Variants in FGR observed in about 807,000 individuals in gnomAD.
FGR encodes the protein tyrosine-protein kinase Fgr.
In FGR, 26 loss-of-function variants were observed where a neutral mutation model predicts 63.2. That is an observed-to-expected ratio of 0.41 (90% confidence interval 0.30 to 0.57). FGR has a LOEUF of 0.57. FGR is among the 20% of genes least tolerant of loss of function. The pLI is 0.27. For synonymous variants in FGR, 286 were observed against 277.7 expected (o/e 1.03, Z -0.30); for missense variants, 511 against 690.8 (o/e 0.74, Z 2.92).
At chr1:27,628,186 CAA>C (rs1368295767) in intron 1 of FGR, among the ~76,000 whole-genome samples, 1 of 141,892 alleles carries the variant, frequency 7.0e-6, no homozygotes, top group African/African-American at 2.6e-5. Context: ...AAAAAAAAAA[CAA>C]AAAAAAACCA....
chr1:27,616,924 C>T lies in FGR; in HGVS notation c.615G>A (p.Met205Ile), dbSNP rs773286331. 9 of 1,614,216 alleles carry T rather than the reference C, an allele frequency of 5.6e-6. No individual in the cohort carries two copies. The South Asian group carries it at 8.8e-5, about 16-fold the overall frequency. Reference sequence around the variant, plus strand: ...CCCGTGTGGTGATGTAGTAGCCGCCCATGTCCAGTTTGCGGATCTTGTAAT... The same window carrying T: ...CCCGTGTGGTGATGTAGTAGCCGCCTATGTCCAGTTTGCGGATCTTGTAAT... Reference protein sequence around the residue: ...VKHYKIRKLDMGGYYITTRVQ... With the variant: ...VKHYKIRKLDIGGYYITTRVQ... Residue 205 changes from methionine (M) to isoleucine (I), a missense_variant, in exon 7 of 13, where the codon ATG becomes ATA. Physicochemically the swap from Met to Ile is conservative, Grantham distance 10. Transcript: ENST00000374005. The surrounding 1 kb of genome is among the most constrained non-coding windows in gnomAD (Gnocchi z 4.3).
Position 27,617,399 on chromosome 1 carries a change from T to G in FGR, c.429-103A>C. On this transcript the variant is annotated intron_variant, in intron 5 of 12. Coordinates refer to ENST00000374005, the MANE Select transcript of FGR (RefSeq NM_005248.3). The surrounding 1 kb of genome is among the most constrained non-coding windows in gnomAD (Gnocchi z 4.5). ...GCCAAGACTCCATTTTCCCCATGTG[T>G]AAAATGGGGCTGGTACACCTGCTTC... is the stretch of plus-strand genomic sequence containing the variant. The G allele has an allele frequency of 1.3e-6, 1 of 790,772 alleles. No homozygotes were observed. Among genetic ancestry groups the G allele is most frequent in the Non-Finnish European group, 2.2e-6 (1 of 461,840 alleles). The allele number at this position is 790,772 out of a possible 1,614,324, so 49.0% of individuals were successfully genotyped here.
At position 27,614,880 on chromosome 1, in the gene FGR, C is replaced by A; in HGVS notation, c.1065G>T (p.Arg355Ser). ...FLKNPEGQDL[R>S]LPQLVDMAAQ... Reference sequence around the variant, plus strand: ...CTGCCATGTCCACCAATTGGGGCAGCCTCAAATCCTGGCCCTCTGGGTTCT... The same window carrying A: ...CTGCCATGTCCACCAATTGGGGCAGACTCAAATCCTGGCCCTCTGGGTTCT... The change falls in exon 10 of 13, where the codon AGG (arginine) becomes AGT (serine). Residue 355 changes from arginine (R) to serine (S), a missense_variant. Arg to Ser is a moderately radical substitution (Grantham distance 110). Coordinates refer to ENST00000374005, the MANE Select transcript of FGR (RefSeq NM_005248.3). 1 of 1,598,062 alleles carries A rather than the reference C, an allele frequency of 6.3e-7. No individual in the cohort carries two copies. The highest frequency in any genetic ancestry group is 8.5e-7 in the Non-Finnish European group (1 of 1,171,116).
rs1357407838 is a variant in FGR, at chr1:27,621,627, G to C, written c.360C>G (p.Leu120=). 2 of 1,613,794 alleles carry C rather than the reference G, an allele frequency of 1.2e-6. No individual in the cohort carries two copies. Among genetic ancestry groups the C allele is most frequent in the South Asian group, 1.1e-5 (1 of 91,076 alleles). Reference sequence around the variant, plus strand: ...GAATGCAGCCAGTTTTTCCGGAGCTGAGAGACCGAGCCTCCCACCAGTCAC... The same window carrying C: ...GAATGCAGCCAGTTTTTCCGGAGCTCAGAGACCGAGCCTCCCACCAGTCAC... ...TEGDWWEARS[L]SSGKTGCIPS... is the part of the protein sequence containing the mutation. Residue 120 remains leucine, a synonymous_variant, in exon 5 of 13, where the codon CTC becomes CTG. Transcript: ENST00000374005.
At position 27,616,919 on chromosome 1, in the gene FGR, C is replaced by T; in HGVS notation, c.620G>A (p.Gly207Asp). The T allele has an allele frequency of 1.9e-6, 3 of 1,614,226 alleles. No homozygotes were observed. The highest frequency in any genetic ancestry group is 1.7e-6 in the Non-Finnish European group (2 of 1,180,038). ...CTGAACCCGTGTGGTGATGTAGTAG[C>T]CGCCCATGTCCAGTTTGCGGATCTT... ...HYKIRKLDMG[G>D]YYITTRVQFN... The change falls in exon 7 of 13, where the codon GGC becomes GAC. Residue 207 changes from glycine (G) to aspartate (D), a missense_variant. By Grantham distance (94) the Gly-to-Asp change is moderately conservative (BLOSUM62 -1). Transcript: ENST00000374005. This position sits in a 1 kb window ranked among gnomAD's most constrained non-coding sequence, Gnocchi z 4.3.
In FGR at chr1:27,615,718, C is replaced by T; in HGVS notation, c.809G>A (p.Gly270Asp). The T allele has an allele frequency of 6.2e-7, 1 of 1,606,640 alleles. No individual in the cohort carries two copies. Among genetic ancestry groups the T allele is most frequent in the African/African-American group, 1.3e-5 (1 of 74,812 alleles). Reference protein sequence around the residue: ...RSSITLERRLGTGCFGDVWLG... With the variant: ...RSSITLERRLDTGCFGDVWLG... ...CCACACATCCCCGAAGCAGCCGGTG[C>T]CCAGCCGGCGCTCCAGCGTGATGGA... Residue 270 changes from glycine (G) to aspartate (D), a missense_variant, in exon 8 of 13, where the codon GGC becomes GAC. Physicochemically the swap from Gly to Asp is moderately conservative, Grantham distance 94. Transcript: ENST00000374005. The surrounding 1 kb of genome is among the most constrained non-coding windows in gnomAD (Gnocchi z 7.6).
intron 11 of FGR, among the ~76,000 whole-genome samples, chr1:27,613,694 CAAAAAAAAAAA>C (rs56363244): frequency 2.7e-5 from 2 of 74,244 alleles, no homozygotes; most frequent in African/African-American, 5.8e-5. Flanking sequence ...GACTCCATCT[CAAAAAAAAAAA>C]AAAAAAAAAA....
At chr1:27,627,469 C>G (rs2090040400) in intron 1 of FGR, among the ~76,000 whole-genome samples, 1 of 152,076 alleles carries the variant, frequency 6.6e-6, no homozygotes, top group African/African-American at 2.4e-5. Flanking sequence ...CACACACACA[C>G]ACACACACAT....
In FGR at chr1:27,617,328, G is replaced by A. The variant is rs772281882; in HGVS notation, c.429-32C>T. The stretch of plus-strand genomic sequence containing the variant: ...GGAAAGGCAGGCAAGAGTCAGGTAC[G>A]CTCTGCTCAAACCTCACCTCAGCCT... On this transcript the variant is annotated intron_variant, in intron 5 of 12. Transcript: ENST00000374005. This position sits in a 1 kb window ranked among gnomAD's most constrained non-coding sequence, Gnocchi z 4.5. The A allele has an allele frequency of 5.2e-6, 8 of 1,532,906 alleles. No individual in the cohort carries two copies. The highest frequency in any genetic ancestry group is 2.2e-5 in the South Asian group (2 of 89,464). 95.0% of individuals were successfully genotyped at this position (1,532,906 alleles called of 1,614,324 possible).
chr1:27,613,077 TG>T lies in FGR; in HGVS notation c.1426del (p.His476ThrfsTer99). 1 of 1,614,150 alleles carries T rather than the reference TG, an allele frequency of 6.2e-7. No homozygotes were observed. The highest frequency in any genetic ancestry group is 8.5e-7 in the Non-Finnish European group (1 of 1,180,014). ...TGGGCAGCCTGGAGGGCACGGCATG[TG>T]GTAGCCCTGCTCCACCTGTTCCAAC... is the stretch of plus-strand genomic sequence containing the variant. ...EVLEQVEQGY[H>X]MPCPPGCPAS... On this transcript the variant is annotated frameshift_variant, in exon 13 of 13. Coordinates refer to ENST00000374005, the MANE Select transcript of FGR (RefSeq NM_005248.3). LOFTEE classifies it high-confidence loss of function.
rs1459554976 is a variant in FGR at position 27,623,063 on chromosome 1, T to A, written c.308A>T (p.Lys103Met). ...TTACGTATTGTTCAGGATGTGGAAC[T>A]TCTCGCCCTTGGTGAAGGTGAGGTC... ...EDDLTFTKGE[K>M]FHILNNTEGD... The change falls in exon 4 of 13, where the codon AAG becomes ATG. Residue 103 changes from lysine (K) to methionine (M), a missense_variant. Coordinates refer to ENST00000374005, the MANE Select transcript of FGR (RefSeq NM_005248.3). The A allele has an allele frequency of 6.2e-7, 1 of 1,614,050 alleles. No homozygotes were observed. The highest frequency in any genetic ancestry group is 1.1e-5 in the South Asian group (1 of 91,076).
At chr1:27,632,282 G>A (rs757996646) in intron 1 of FGR, among the ~76,000 whole-genome samples, 2 of 151,858 alleles carry the variant, frequency 1.3e-5, no homozygotes, top group Admixed American at 6.6e-5. Flanking sequence ...GATTACAGGC[G>A]TCTGCCACCA....
Position 27,614,914 on chromosome 1 carries a change from T to C in FGR, c.1031A>G (p.Asp344Gly). ...CTGGCCCTCTGGGTTCTTGAGAAAA[T>C]CCAGCAAGCTGCCTGGGAAGAAGCC... ...TEFMCHGSLL[D>G]FLKNPEGQDL... Residue 344 changes from aspartate (D) to glycine (G), a missense_variant, in exon 10 of 13, where the codon GAT becomes GGT. Asp to Gly is a moderately conservative substitution (Grantham distance 94). Coordinates refer to ENST00000374005, the MANE Select transcript of FGR (RefSeq NM_005248.3). 1.3e-6 allele frequency: 2 copies of C among 1,597,832 alleles called. No homozygotes were observed. The highest frequency in any genetic ancestry group is 1.7e-6 in the Non-Finnish European group (2 of 1,170,942).
At position 27,615,944 on chromosome 1, in the gene FGR, T is replaced by C; in HGVS notation, c.683-100A>G. The stretch of plus-strand genomic sequence containing the variant: ...TGGTGCCAGACCCTAAGATCAGTTA[T>C]AAGGAACTAGGCCCCAAGTGAGGTC... On this transcript the variant is annotated intron_variant, in intron 7 of 12. Transcript: ENST00000374005. The surrounding 1 kb of genome is among the most constrained non-coding windows in gnomAD (Gnocchi z 7.6). 2 of 1,330,330 alleles carry C rather than the reference T, an allele frequency of 1.5e-6. No individual in the cohort carries two copies. Among genetic ancestry groups the C allele is most frequent in the East Asian group, 2.6e-5 (1 of 38,724 alleles). 82.4% of individuals were successfully genotyped at this position (1,330,330 alleles called of 1,614,324 possible). A position where few individuals can be genotyped will look rare whatever the true frequency, so the allele number is the denominator to read the frequency against.
chr1:27,623,153 T>A lies in FGR; in HGVS notation c.227-9A>T. On this transcript the variant is annotated splice_polypyrimidine_tract_variant and intron_variant, in intron 3 of 12. Coordinates refer to ENST00000374005, the MANE Select transcript of FGR (RefSeq NM_005248.3). ...CAGGGTCACCCCAATCCCTGCAGAG[T>A]CAGGGCTACTCAGCAGGGTAGGGCA... 4 of 1,600,454 alleles carry A rather than the reference T, an allele frequency of 2.5e-6. No homozygotes were observed. Among genetic ancestry groups the A allele is most frequent in the Non-Finnish European group, 3.4e-6 (4 of 1,167,808 alleles).
In FGR at chr1:27,616,913, T is replaced by C. The variant is rs777257494; in HGVS notation, c.626A>G (p.Tyr209Cys). The C allele has an allele frequency of 6.2e-7, 1 of 1,614,200 alleles. No homozygotes were observed. Reference protein sequence around the residue: ...KIRKLDMGGYYITTRVQFNSV... With the variant: ...KIRKLDMGGYCITTRVQFNSV... ...GTTGAACTGAACCCGTGTGGTGATG[T>C]AGTAGCCGCCCATGTCCAGTTTGCG... Residue 209 changes from tyrosine to cysteine, a missense_variant, in exon 7 of 13, where the codon TAC becomes TGC. By Grantham distance (194) the Tyr-to-Cys change is radical. Coordinates refer to ENST00000374005, the MANE Select transcript of FGR (RefSeq NM_005248.3). The surrounding 1 kb of genome is among the most constrained non-coding windows in gnomAD (Gnocchi z 4.3).
At chr1:27,624,207 T>C (rs2089980508) in intron 2 of FGR, 2 of 385,392 alleles carry the variant, frequency 5.2e-6, no homozygotes, top group Admixed American at 8.6e-5. Flanking sequence ...GCTATGCTTA[T>C]TTGCATATTT....
rs1484940246 is a variant in FGR, at chr1:27,616,934, T to C, written c.605A>G (p.Lys202Arg). Residue 202 changes from lysine (K) to arginine (R), a missense_variant, in exon 7 of 13, where the codon AAA (lysine) becomes AGA (arginine). Physicochemically the swap from Lys to Arg is conservative, Grantham distance 26. Transcript: ENST00000374005. This position sits in a 1 kb window ranked among gnomAD's most constrained non-coding sequence, Gnocchi z 4.3. The part of the protein sequence containing the change: ...GDHVKHYKIR[K>R]LDMGGYYITT... ...GATGTAGTAGCCGCCCATGTCCAGTTTGCGGATCTTGTAATGCTTCACATG... is the reference window on the plus strand; with the variant it reads ...GATGTAGTAGCCGCCCATGTCCAGTCTGCGGATCTTGTAATGCTTCACATG... 2 of 1,614,214 alleles carry C rather than the reference T, an allele frequency of 1.2e-6. No homozygotes were observed. Among genetic ancestry groups the C allele is most frequent in the African/African-American group, 1.3e-5 (1 of 75,054 alleles).
At position 27,612,888 on chromosome 1, in the gene FGR, C is replaced by G. The variant is rs1256594108; in HGVS notation, c.*26G>C. 3.1e-6 allele frequency: 5 copies of G among 1,602,958 alleles called. No homozygotes were observed. The highest frequency in any genetic ancestry group is 1.1e-5 in the South Asian group (1 of 90,234). ...GATTGGCAAGGACTGGTGGCCACCGCCAGAGAGGGTTGATGCCCGGACAGG... is the reference window on the plus strand; with the variant it reads ...GATTGGCAAGGACTGGTGGCCACCGGCAGAGAGGGTTGATGCCCGGACAGG... On this transcript the variant is annotated 3_prime_UTR_variant, in exon 13 of 13. Coordinates refer to ENST00000374005, the MANE Select transcript of FGR (RefSeq NM_005248.3).
Sources: gnomAD v4.1 joint callset for allele counts (sites outside exome capture counted in the v4.1 genomes callset) on GRCh38, gnomAD v4.1.1 for gene constraint, Gnocchi (gnomAD v3.1) non-coding constraint, MANE v1.5 for transcripts, NCBI Gene and HGNC (gene_info 2026-07-23, HGNC 2026-07-21) for gene names.